Variants in RGR observed in about 807,000 individuals in gnomAD.
RGR encodes the protein RPE-retinal G protein-coupled receptor.
In RGR, 30 loss-of-function variants were observed where a neutral mutation model predicts 28.6. The ratio of observed to expected loss-of-function variants is 1.05; its 90% confidence interval spans 0.78 to 1.42. The LOEUF (loss-of-function observed/expected upper bound fraction) is 1.42, where lower values mean the gene tolerates loss of function less well. RGR is among the 40% of genes most tolerant of loss of function. RGR has a pLI of 0.00. For missense variants in RGR, 404 were observed against 375.6 expected, an observed-to-expected ratio of 1.08 and a Z score of -0.62; for synonymous variants, 180 against 156.4, an observed-to-expected ratio of 1.15 and a Z score of -1.13.
chr10:84,253,560 AG>A lies in RGR; in HGVS notation c.512+555del, dbSNP rs200076831. On this transcript the variant is annotated intron_variant, in intron 4 of 6. Transcript: ENST00000652092. ...GGAGGCTCTAGGGAGACAAGGGCTT[AG>A]GGGGATCCTTTAGGAACTGCCTTGA... 4.3e-3 allele frequency among the ~76,000 whole-genome samples: 648 copies of A among 152,258 alleles called. 26 individuals carry two copies. The highest frequency in any genetic ancestry group is 0.039 in the Admixed American group (599 of 15,298).
At chr10:84,246,214 T>C (rs904186547) in intron 1 of RGR, among the ~76,000 whole-genome samples, 3 of 152,258 alleles carry the variant, frequency 2.0e-5, no homozygotes, top group African/African-American at 7.2e-5. Flanking sequence ...GCTTTGGTTT[T>C]TATTTTATTT....
In RGR at chr10:84,254,307, C is replaced by A. The variant is rs1242293800; in HGVS notation, c.513-19C>A. The A allele has an allele frequency of 6.2e-7, 1 of 1,608,264 alleles. No homozygotes were observed. Among genetic ancestry groups the A allele is most frequent in the Non-Finnish European group, 8.5e-7 (1 of 1,174,788 alleles). On this transcript the variant is annotated intron_variant, in intron 4 of 6. Coordinates refer to ENST00000652092, the MANE Select transcript of RGR (RefSeq NM_001012720.2). ...ATCCCTGAGAGCTAACCCCAATCCT[C>A]CACCCGCTCTCCCTGTAGAAACTTC...
chr10:84,250,568 T>C, intron 3 of RGR: 1 of 657,096 alleles, frequency 1.5e-6, no homozygotes, highest in Admixed American at 2.2e-5. Context: ...CCTTCTCAGA[T>C]AGCAACAGGC....
chr10:84,246,571 T>G (rs935691560), intron 1 of RGR, among the ~76,000 whole-genome samples: 3 of 152,248 alleles, frequency 2.0e-5, no homozygotes, highest in African/African-American at 7.2e-5. Flanking sequence ...TTCATTCCTT[T>G]TTACAGCTAT....
In RGR at chr10:84,259,273, A is replaced by G. The variant is rs1407885820; in HGVS notation, c.*634A>G. 1 of 155,158 alleles carries G rather than the reference A, an allele frequency of 6.4e-6. No individual in the cohort carries two copies. The highest frequency in any genetic ancestry group is 1.4e-5 in the Non-Finnish European group (1 of 69,834). 9.6% of individuals were successfully genotyped at this position (155,158 alleles called of 1,614,324 possible). A position where few individuals can be genotyped will look rare whatever the true frequency, so the allele number is the denominator to read the frequency against. Reference sequence around the variant, plus strand: ...ACATATATAAACGTTATATATATGTAACGTTTTCTTTATCCAATCATCTGT... The same window carrying G: ...ACATATATAAACGTTATATATATGTGACGTTTTCTTTATCCAATCATCTGT... On this transcript the variant is annotated 3_prime_UTR_variant, in exon 7 of 7. Coordinates refer to ENST00000652092, the MANE Select transcript of RGR (RefSeq NM_001012720.2).
chr10:84,249,004 G>T lies in RGR; in HGVS notation c.319G>T (p.Ala107Ser). ...AGCGTTGGCCAGCATCTGCAGCAGT[G>T]CAGCCATCGCATGGGGGCGTTATCA... ...VTALASICSS[A>S]AIAWGRYHHY... is the part of the protein sequence containing the mutation. The change falls in exon 3 of 7, where the codon GCA becomes TCA. Residue 107 changes from alanine (A) to serine (S), a missense_variant. Ala to Ser is a moderately conservative substitution (Grantham distance 99, BLOSUM62 1). Transcript: ENST00000652092. The T allele has an allele frequency of 6.2e-7, 1 of 1,614,096 alleles. No individual in the cohort carries two copies. The highest frequency in any genetic ancestry group is 8.5e-7 in the Non-Finnish European group (1 of 1,179,954).
intron 1 of RGR, among the ~76,000 whole-genome samples, chr10:84,245,792 G>T (rs1316215211): frequency 6.6e-6 from 1 of 152,144 alleles, no homozygotes; most frequent in African/African-American, 2.4e-5. Context: ...TTCACCTCTG[G>T]AGGCAACCTG....
At chr10:84,257,760 G>A (rs115052929) in intron 5 of RGR, 133 bp from the exon 6 acceptor site, 6 of 729,542 alleles carry the variant, frequency 8.2e-6, no homozygotes, top group Non-Finnish European at 1.2e-5. Context: ...AAGTTCCCCT[G>A]CAGACTCAGC....
chr10:84,254,196 C>A lies in RGR; in HGVS notation c.513-130C>A. On this transcript the variant is annotated intron_variant, in intron 4 of 6. Coordinates refer to ENST00000652092, the MANE Select transcript of RGR (RefSeq NM_001012720.2). ...GAGTTCACCTGGGACCCGGGAGCAA[C>A]CACACTGCGAGCTTGTCTGAATGGG... The A allele has an allele frequency of 6.0e-6, 5 of 828,338 alleles. No individual in the cohort carries two copies. The South Asian group carries it at 6.8e-5, about 11-fold the overall frequency. The allele number at this position is 828,338 out of a possible 1,614,324, so 51.3% of individuals were successfully genotyped here. A position where few individuals can be genotyped will look rare whatever the true frequency, so the allele number is the denominator to read the frequency against.
chr10:84,255,758 C>A, intron 5 of RGR, among the ~76,000 whole-genome samples: 1 of 110,740 alleles, frequency 9.0e-6, no homozygotes. Flanking sequence ...GAGTTTCACT[C>A]TTGTTGCCCA....
rs1842917637 is a variant in RGR at position 84,258,598 on chromosome 10, T to G, written c.835T>G (p.Cys279Gly). The G allele has an allele frequency of 6.2e-7, 1 of 1,614,188 alleles. No homozygotes were observed. The highest frequency in any genetic ancestry group is 8.5e-7 in the Non-Finnish European group (1 of 1,180,036). The change falls in exon 7 of 7, where the codon TGC (cysteine) becomes GGC (glycine). Residue 279 changes from cysteine to glycine, a missense_variant. Transcript: ENST00000652092. ...GATGGTCTGCAGGGGAATCTGGCAG[T>G]GCCTCTCACCGCAGAAGAGGGAGAA... ...NEMVCRGIWQ[C>G]LSPQKREKDR...
chr10:84,253,450 C>T (rs1232424410), intron 4 of RGR, among the ~76,000 whole-genome samples: 2 of 152,198 alleles, frequency 1.3e-5, no homozygotes, highest in Admixed American at 1.3e-4. Flanking sequence ...TGAGCATACG[C>T]TATGAGGCAA....
At chr10:84,253,080 G>A (rs1379178505) in intron 4 of RGR, 70 bp downstream of exon 4, 1 of 1,541,334 alleles carries the variant, frequency 6.5e-7, no homozygotes, top group East Asian at 2.3e-5. Flanking sequence ...TATGACAAGG[G>A]TGCCCCAGCT....
In RGR at chr10:84,248,954, C is replaced by G; in HGVS notation, c.269C>G (p.Ala90Gly). ...CCCTACGGCTCGGACGGCTGCCAGG[C>G]TCACGGCTTCCAGGGCTTTGTGACA... ...RWPYGSDGCQAHGFQGFVTAL... is the reference protein window; with the variant it reads ...RWPYGSDGCQGHGFQGFVTAL... The change falls in exon 3 of 7, where the codon GCT (alanine) becomes GGT (glycine). Residue 90 changes from alanine to glycine, a missense_variant. By Grantham distance (60) the Ala-to-Gly change is moderately conservative (BLOSUM62 0). Coordinates refer to ENST00000652092, the MANE Select transcript of RGR (RefSeq NM_001012720.2). 1 of 1,614,146 alleles carries G rather than the reference C, an allele frequency of 6.2e-7. No individual in the cohort carries two copies. The highest frequency in any genetic ancestry group is 2.2e-5 in the East Asian group (1 of 44,880).
intron 3 of RGR, chr10:84,250,417 A>G (rs1187457956): frequency 2.8e-6 from 2 of 717,038 alleles, no homozygotes; most frequent in Middle Eastern, 2.3e-4. Context: ...CATCATTTTG[A>G]GTGGCGATAG....
intron 3 of RGR, among the ~76,000 whole-genome samples, chr10:84,249,771 C>T (rs955127239): frequency 6.6e-6 from 1 of 152,234 alleles, no homozygotes; most frequent in South Asian, 2.1e-4. Context: ...CCCACACTTC[C>T]ATGAGGCTTC....
At chr10:84,249,154 A>G (rs1375265001) in intron 3 of RGR, 111 bp downstream of exon 3, 29 of 1,494,208 alleles carry the variant, frequency 1.9e-5, no homozygotes, top group Non-Finnish European at 2.7e-5. Flanking sequence ...CAGTACAGGG[A>G]AGTGTGGGTA....
chr10:84,246,804 G>A (rs761197721), intron 1 of RGR, among the ~76,000 whole-genome samples: 7 of 152,218 alleles, frequency 4.6e-5, no homozygotes, highest in Non-Finnish European at 8.8e-5. Flanking sequence ...CCCACCAGCA[G>A]TGCATAAGCA....
At chr10:84,257,141 T>C (rs1487496760) in intron 5 of RGR, among the ~76,000 whole-genome samples, 3 of 152,242 alleles carry the variant, frequency 2.0e-5, no homozygotes, top group Non-Finnish European at 2.9e-5. Context: ...AGGCAAGAAC[T>C]TGAGCGTCAG....
Sources: allele counts gnomAD v4.1 joint callset (sites outside exome capture counted in the v4.1 genomes callset), GRCh38; gene constraint gnomAD v4.1.1; transcripts MANE v1.5; gene names NCBI Gene and HGNC (gene_info 2026-07-23, HGNC 2026-07-21).